CDH12: variants seen among roughly 807,000 people sequenced by gnomAD.
CDH12 encodes cadherin 12, also known as cadherin-12.
CDH12 carries 41 observed loss-of-function variants against 74.1 expected under a neutral mutation model. The ratio of observed to expected loss-of-function variants is 0.55; its 90% CI spans 0.43 to 0.72. The LOEUF (loss-of-function observed/expected upper bound fraction) is 0.72. Ranked by LOEUF, CDH12 falls within the 30% of genes least tolerant of loss-of-function variation. CDH12 has a pLI of 0.00. For missense variants in CDH12, 945 were observed against 977.2 expected (o/e 0.97, Z 0.44); for synonymous variants, 399 against 355.0 (o/e 1.12, Z -1.39).
At chr5:22,763,086 T>A (rs940220828) in intron 1 of CDH12, among the ~76,000 whole-genome samples, 4 of 152,020 alleles carry the variant, frequency 2.6e-5, no homozygotes, top group African/African-American at 9.7e-5. Flanking sequence ...TTAGCTTTAC[T>A]TTTTTGAAGA....
chr5:22,619,246 C>T (rs1580821839), intron 1 of CDH12, among the ~76,000 whole-genome samples: 1 of 152,028 alleles, frequency 6.6e-6, no homozygotes, highest in Non-Finnish European at 1.5e-5. Context: ...GTGTATTTTA[C>T]TTGGTGAATA....
chr5:22,257,494 T>C (rs574450895), intron 3 of CDH12, among the ~76,000 whole-genome samples: 50 of 151,082 alleles, frequency 3.3e-4, no homozygotes, highest in Non-Finnish European at 5.8e-4. Context: ...TATTTATTTA[T>C]TTATTTATTT....
chr5:22,587,732 C>A (rs1032258256), intron 1 of CDH12, among the ~76,000 whole-genome samples: 2 of 151,948 alleles, frequency 1.3e-5, no homozygotes, highest in African/African-American at 4.8e-5. Flanking sequence ...TCTTTACTAA[C>A]CATTTTCTGT....
chr5:21,914,185 A>G (rs1753986765), intron 6 of CDH12, among the ~76,000 whole-genome samples: 1 of 152,336 alleles, frequency 6.6e-6, no homozygotes, highest in Middle Eastern at 3.4e-3. Context: ...TTTTGACGTG[A>G]AAAACCTGAG....
intron 6 of CDH12, among the ~76,000 whole-genome samples, chr5:21,967,664 T>G (rs1179101519): frequency 6.6e-6 from 1 of 152,178 alleles, no homozygotes; most frequent in Non-Finnish European, 1.5e-5. Flanking sequence ...CACGCTGTGC[T>G]GCTACTAACA....
At chr5:22,586,413 A>T (rs1429970716) in intron 1 of CDH12, among the ~76,000 whole-genome samples, 1 of 151,876 alleles carries the variant, frequency 6.6e-6, no homozygotes, top group Non-Finnish European at 1.5e-5. Context: ...GGTGCAGCAC[A>T]CCAACATGGC....
intron 1 of CDH12, among the ~76,000 whole-genome samples, chr5:22,692,392 T>C (rs1742129151): frequency 6.6e-6 from 1 of 152,226 alleles, no homozygotes; most frequent in Non-Finnish European, 1.5e-5. Context: ...CATGCCTCCA[T>C]GGCTTCTTCA....
intron 1 of CDH12, among the ~76,000 whole-genome samples, chr5:22,667,979 TATAA>T (rs1265780833): frequency 6.6e-6 from 1 of 152,152 alleles, no homozygotes; most frequent in Non-Finnish European, 1.5e-5. Flanking sequence ...ATTTAGATCA[TATAA>T]AGAAAAGAAA....
intron 1 of CDH12, among the ~76,000 whole-genome samples, chr5:22,704,231 G>T (rs1057247850): frequency 6.6e-6 from 1 of 152,134 alleles, no homozygotes; most frequent in Non-Finnish European, 1.5e-5. Context: ...GGCAGCGAAA[G>T]GCAGCAGCAG....
At chr5:21,880,501 T>TCCTTCCTTCCTCCCTC (rs1468584598) in intron 6 of CDH12, among the ~76,000 whole-genome samples, 4 of 25,378 alleles carry the variant, frequency 1.6e-4, no homozygotes, top group African/African-American at 3.3e-4. Context: ...CTTCCTTCCT[T>TCCTTCCTTCCTCCCTC]CCTCCCTCCC....
intron 1 of CDH12, among the ~76,000 whole-genome samples, chr5:22,656,602 T>A (rs980291599): frequency 6.6e-6 from 1 of 152,162 alleles, no homozygotes; most frequent in African/African-American, 2.4e-5. Context: ...TTTAAAAAAA[T>A]TTCTTAGTGA....
At chr5:22,821,944 A>G (rs1479243838) in intron 1 of CDH12, among the ~76,000 whole-genome samples, 1 of 152,062 alleles carries the variant, frequency 6.6e-6, no homozygotes, top group Non-Finnish European at 1.5e-5. Context: ...AGCCAAAAGA[A>G]CAAAGCTGGA....
At chr5:22,301,894 C>T (rs1737899473) in intron 3 of CDH12, among the ~76,000 whole-genome samples, 1 of 151,732 alleles carries the variant, frequency 6.6e-6, no homozygotes, top group Non-Finnish European at 1.5e-5. Context: ...CTCTCAAACT[C>T]CTGAGCTCAA....
intron 6 of CDH12, among the ~76,000 whole-genome samples, chr5:21,908,737 C>T (rs1304001583): frequency 6.6e-6 from 1 of 152,144 alleles, no homozygotes; most frequent in Non-Finnish European, 1.5e-5. Context: ...GGAAGGCGTG[C>T]TCATCTTCAA....
At chr5:22,167,816 A>C (rs1395762319) in intron 4 of CDH12, among the ~76,000 whole-genome samples, 11 of 152,118 alleles carry the variant, frequency 7.2e-5, no homozygotes, top group Non-Finnish European at 1.2e-4. Flanking sequence ...TAAGCTTTGA[A>C]AATCCATATT....
intron 1 of CDH12, among the ~76,000 whole-genome samples, chr5:22,748,500 C>G (rs929216477): frequency 4.6e-5 from 7 of 151,962 alleles, no homozygotes; most frequent in African/African-American, 1.7e-4. Flanking sequence ...GTATAGAATA[C>G]TGTGTGAATG....
chr5:22,295,009 T>C (rs986987993), intron 3 of CDH12, among the ~76,000 whole-genome samples: 29 of 152,120 alleles, frequency 1.9e-4, no homozygotes, highest in African/African-American at 7.0e-4. Context: ...TAAGCACCAA[T>C]CAGCAACAGA....
Position 22,642,766 on chromosome 5 carries a change from G to T in CDH12, c.-522-137402C>A, listed in dbSNP as rs148449827. On this transcript the variant is annotated intron_variant, in intron 1 of 14. Transcript: ENST00000382254. ...CACTATGAAACATCGATTTACTAAA[G>T]TTTTCAAAGTTAAAGTGAAACAATT... Among the ~76,000 whole-genome samples, 7 of 152,114 alleles carry T rather than the reference G, an allele frequency of 4.6e-5. No individual in the cohort carries two copies. The East Asian group carries it at 1.4e-3, about 29-fold the overall frequency.
At chr5:22,385,636 T>A (rs1741964371) in intron 3 of CDH12, among the ~76,000 whole-genome samples, 1 of 152,128 alleles carries the variant, frequency 6.6e-6, no homozygotes, top group Non-Finnish European at 1.5e-5. Context: ...GAGCCTAGCA[T>A]CCATAGCACC....
Sources: gnomAD v4.1 joint callset for allele counts (sites outside exome capture counted in the v4.1 genomes callset) on GRCh38, gnomAD v4.1.1 for gene constraint, MANE v1.5 for transcripts, NCBI Gene and HGNC (gene_info 2026-07-23, HGNC 2026-07-21) for gene names.